The following PLGRKT variants were observed in gnomAD, a reference collection of about 807,000 sequenced individuals.
PLGRKT encodes plasminogen receptor (KT).
PLGRKT carries 22 observed loss-of-function variants against 18.5 expected under a neutral mutation model. The observed-to-expected ratio is 1.19, with a 90% CI of 0.85 to 1.70. The LOEUF is 1.70. PLGRKT is among the 40% of genes most tolerant of loss of function. PLGRKT has a pLI of 0.00. For synonymous variants in PLGRKT, 72 were observed against 52.8 expected, an observed-to-expected ratio of 1.36 and a Z score of -1.58; for missense variants, 235 against 174.4, an observed-to-expected ratio of 1.35 and a Z score of -1.96.
At chr9:5,416,413 T>A (rs905066162) in intron 3 of PLGRKT, among the ~76,000 whole-genome samples, 2 of 152,156 alleles carry the variant, frequency 1.3e-5, no homozygotes, top group Non-Finnish European at 2.9e-5. Flanking sequence ...TGTCTGTCTG[T>A]GTACATATTA....
At chr9:5,423,638 G>T (rs1818618724) in intron 3 of PLGRKT, among the ~76,000 whole-genome samples, 2 of 151,884 alleles carry the variant, frequency 1.3e-5, no homozygotes, top group South Asian at 4.1e-4. Flanking sequence ...TGAACAGATT[G>T]CCAGGCCCCA....
chr9:5,393,481 T>C (rs1221231564), intron 3 of PLGRKT, among the ~76,000 whole-genome samples: 1 of 151,970 alleles, frequency 6.6e-6, no homozygotes, highest in Non-Finnish European at 1.5e-5. Context: ...TTCTTGTTAC[T>C]ATACCTTTCA....
chr9:5,418,978 G>A lies in PLGRKT; in HGVS notation c.81+12919C>T. The A allele has an allele frequency of 1.5e-6, 1 of 671,282 alleles. No homozygotes were observed. Among genetic ancestry groups the A allele is most frequent in the Non-Finnish European group, 2.5e-6 (1 of 405,190 alleles). 41.6% of individuals were successfully genotyped at this position (671,282 alleles called of 1,614,324 possible). ...AGAGTCCTGGGACAGCGTCTCCATG[G>A]TGGACCCTGAGCAGGAAGGGCAAGG... On this transcript the variant is annotated intron_variant, in intron 3 of 5. Coordinates refer to ENST00000223864, the MANE Select transcript of PLGRKT (RefSeq NM_018465.4). The surrounding 1 kb of genome is among the most constrained non-coding windows in gnomAD (Gnocchi z 4.2).
intron 3 of PLGRKT, among the ~76,000 whole-genome samples, chr9:5,412,279 A>G (rs1173219881): frequency 6.6e-6 from 1 of 152,228 alleles, no homozygotes; most frequent in Non-Finnish European, 1.5e-5. Context: ...TCCCTATCTC[A>G]TATCATATAT....
chr9:5,386,929 A>T (rs1328239243), intron 3 of PLGRKT, among the ~76,000 whole-genome samples: 2 of 151,944 alleles, frequency 1.3e-5, no homozygotes, highest in African/African-American at 4.9e-5. Flanking sequence ...GGTGTTTAAG[A>T]AACAGCAAAG....
At chr9:5,433,486 C>A (rs1818879960) in intron 2 of PLGRKT, among the ~76,000 whole-genome samples, 2 of 150,316 alleles carry the variant, frequency 1.3e-5, no homozygotes, top group South Asian at 4.2e-4. Flanking sequence ...AGGAGCGACT[C>A]TGCCTGACCA....
intron 3 of PLGRKT, among the ~76,000 whole-genome samples, chr9:5,428,715 T>G (rs1369778019): frequency 6.6e-6 from 1 of 152,210 alleles, no homozygotes; most frequent in African/African-American, 2.4e-5. Flanking sequence ...TTTGGTTTTT[T>G]GAGATAGGGT....
chr9:5,371,320 G>C (rs184301437), intron 3 of PLGRKT, among the ~76,000 whole-genome samples: 1 of 152,300 alleles, frequency 6.6e-6, no homozygotes, highest in Admixed American at 6.5e-5. Context: ...TGATTTGGCT[G>C]TGTCCCCACC....
At chr9:5,361,218 T>C (rs1817257753) in intron 4 of PLGRKT, 31 bp from the exon 5 acceptor site, 5 of 1,300,546 alleles carry the variant, frequency 3.8e-6, no homozygotes, top group African/African-American at 1.5e-5. Flanking sequence ...AGAACCAATA[T>C]CAAAAAATAA....
chr9:5,425,951 T>A (rs1040003964), intron 3 of PLGRKT, among the ~76,000 whole-genome samples: 3 of 152,198 alleles, frequency 2.0e-5, no homozygotes, highest in Non-Finnish European at 2.9e-5. Flanking sequence ...ATCCTTCTCA[T>A]GAGGTGCCAT....
At chr9:5,390,890 A>G (rs1563776330) in intron 3 of PLGRKT, among the ~76,000 whole-genome samples, 1 of 151,936 alleles carries the variant, frequency 6.6e-6, no homozygotes, top group Non-Finnish European at 1.5e-5. Context: ...AAAAAGAAAA[A>G]AGTTCTATTT....
chr9:5,378,011 T>C (rs1289713787), intron 3 of PLGRKT, among the ~76,000 whole-genome samples: 1 of 152,202 alleles, frequency 6.6e-6, no homozygotes, highest in Non-Finnish European at 1.5e-5. Context: ...TTCAGCCTGC[T>C]TCTTGCTCAT....
chr9:5,388,358 G>C (rs997697815), intron 3 of PLGRKT, among the ~76,000 whole-genome samples: 5 of 151,942 alleles, frequency 3.3e-5, no homozygotes, highest in African/African-American at 1.2e-4. Flanking sequence ...GATGAGCACT[G>C]AGATATCGCA....
chr9:5,433,154 CT>C (rs2131180071), intron 2 of PLGRKT, among the ~76,000 whole-genome samples: 1 of 135,812 alleles, frequency 7.4e-6, no homozygotes, highest in East Asian at 2.3e-4. Context: ...TGGCCGCCCC[CT>C]CTGGGAAGTG....
chr9:5,360,395 C>A (rs1817237241), intron 5 of PLGRKT, among the ~76,000 whole-genome samples: 5 of 152,130 alleles, frequency 3.3e-5, no homozygotes, highest in Admixed American at 3.3e-4. Context: ...ATGGCTCTGT[C>A]ATGGTAATGG....
At chr9:5,387,522 G>A (rs751363878) in intron 3 of PLGRKT, among the ~76,000 whole-genome samples, 14 of 151,900 alleles carry the variant, frequency 9.2e-5, no homozygotes, top group Non-Finnish European at 1.9e-4. Flanking sequence ...CAGATGTAAT[G>A]TTGAATTAAG....
chr9:5,403,373 G>A (rs762042282), intron 3 of PLGRKT, among the ~76,000 whole-genome samples: 106 of 149,472 alleles, frequency 7.1e-4, no homozygotes, highest in Admixed American at 2.2e-3. Flanking sequence ...ACAGGCGCAC[G>A]CCACCACTCC....
chr9:5,358,081 G>C lies in PLGRKT; in HGVS notation c.*158C>G. 1.9e-6 allele frequency: 1 copy of C among 528,952 alleles called. No individual in the cohort carries two copies. Among genetic ancestry groups the C allele is most frequent in the Admixed American group, 3.4e-5 (1 of 29,306 alleles). 32.8% of individuals were successfully genotyped at this position (528,952 alleles called of 1,614,324 possible). On this transcript the variant is annotated 3_prime_UTR_variant, in exon 6 of 6. Coordinates refer to ENST00000223864, the MANE Select transcript of PLGRKT (RefSeq NM_018465.4). The stretch of plus-strand genomic sequence containing the variant: ...GCACCTCCATGATTTTGTGTTGAAT[G>C]TTATAAATTTTATTTTAAAATAGCT...
At chr9:5,403,784 A>G (rs1268951830) in intron 3 of PLGRKT, among the ~76,000 whole-genome samples, 5 of 152,272 alleles carry the variant, frequency 3.3e-5, no homozygotes, top group African/African-American at 7.2e-5. Context: ...AAATCAACCC[A>G]TGAGAAAATG....
Sources: gnomAD v4.1 joint callset for allele counts (sites outside exome capture counted in the v4.1 genomes callset) on GRCh38, gnomAD v4.1.1 for gene constraint, Gnocchi (gnomAD v3.1) non-coding constraint, MANE v1.5 for transcripts, NCBI Gene and HGNC (gene_info 2026-07-23, HGNC 2026-07-21) for gene names.